CRAMP1: variants seen among roughly 807,000 people sequenced by gnomAD.
CRAMP1 encodes cramped chromatin regulator 1, also known as protein cramped-like.
In CRAMP1, 50 loss-of-function variants were observed where a neutral mutation model predicts 115.4. That is an observed-to-expected ratio of 0.43 (90% confidence interval 0.35 to 0.55). The LOEUF is 0.55. Among genes scored for constraint, CRAMP1 ranks in the 20% least tolerant of loss-of-function variants. The pLI is 0.01. For synonymous variants in CRAMP1, 866 were observed against 745.4 expected (o/e 1.16, Z -2.64); for missense variants, 1,679 against 1,721.7 (o/e 0.98, Z 0.44).
intron 10 of CRAMP1, among the ~76,000 whole-genome samples, chr16:1,658,951 C>T (rs1006855065): frequency 1.3e-5 from 2 of 152,166 alleles, no homozygotes; most frequent in East Asian, 1.9e-4. Flanking sequence ...GTCTTCCCAG[C>T]GGTGGTGGCG....
chr16:1,645,070 GT>G (rs1183945868), intron 6 of CRAMP1, among the ~76,000 whole-genome samples: 2 of 150,600 alleles, frequency 1.3e-5, no homozygotes, highest in African/African-American at 2.5e-5. Context: ...ATAGAAGTTT[GT>G]TTTAAAACAT....
intron 6 of CRAMP1, among the ~76,000 whole-genome samples, chr16:1,648,347 G>T (rs1219841134): frequency 6.6e-6 from 1 of 152,112 alleles, no homozygotes; most frequent in East Asian, 1.9e-4. Flanking sequence ...AGTGGCTCAC[G>T]CCTGTAATCC....
At chr16:1,635,177 C>T (rs754644607) in intron 4 of CRAMP1, among the ~76,000 whole-genome samples, 16 of 152,280 alleles carry the variant, frequency 1.1e-4, no homozygotes, top group South Asian at 2.1e-4. Context: ...GGATTACAGG[C>T]GTGAGCCACC....
intron 18 of CRAMP1, 121 bp from the exon 19 acceptor site, chr16:1,668,880 A>G (rs1029607626): frequency 1.1e-5 from 10 of 879,682 alleles, no homozygotes; most frequent in African/African-American, 1.0e-4. Context: ...CATGCCATCC[A>G]TCTGGTTCAG....
intron 2 of CRAMP1, among the ~76,000 whole-genome samples, chr16:1,620,042 C>T (rs775153155): frequency 2.6e-5 from 4 of 152,014 alleles, no homozygotes; most frequent in Non-Finnish European, 4.4e-5. Context: ...AGGGGAGGCT[C>T]AGAACTCATC....
At chr16:1,634,532 C>G (rs187879646) in intron 4 of CRAMP1, among the ~76,000 whole-genome samples, 57 of 152,282 alleles carry the variant, frequency 3.7e-4, no homozygotes, top group African/African-American at 1.2e-3. Flanking sequence ...TTTCCCTTCT[C>G]CGTGTGGGCC....
At position 1,656,802 on chromosome 16, in the gene CRAMP1, C is replaced by T. The variant is rs1863973474; in HGVS notation, c.2045C>T (p.Thr682Ile). 1.3e-6 allele frequency: 2 copies of T among 1,548,318 alleles called. No individual in the cohort carries two copies. Among genetic ancestry groups the T allele is most frequent in the Non-Finnish European group, 8.7e-7 (1 of 1,145,354 alleles). Residue 682 changes from threonine (T) to isoleucine (I), a missense_variant, in exon 10 of 21, where the codon ACC becomes ATC. Transcript: ENST00000397412. This position sits in a 1 kb window ranked among gnomAD's most constrained non-coding sequence, Gnocchi z 5.6. Reference sequence around the variant, plus strand: ...CGTGAGGAGGGCTGGAACCTGCAGACCTCCGAAAGCCTCACGCTGGCCGAA... The same window carrying T: ...CGTGAGGAGGGCTGGAACCTGCAGATCTCCGAAAGCCTCACGCTGGCCGAA... Reference protein sequence around the residue: ...QLREEGWNLQTSESLTLAEVY... With the variant: ...QLREEGWNLQISESLTLAEVY...
Position 1,648,655 on chromosome 16 carries a change from A to G in CRAMP1, c.828-3841A>G, listed in dbSNP as rs111275590. Among the ~76,000 whole-genome samples the G allele has an allele frequency of 4.4e-3, 665 of 152,116 alleles. 2 individuals carry two copies. Among genetic ancestry groups the G allele is most frequent in the African/African-American group, 0.015 (636 of 41,484 alleles). ...CATGCTTAATGACTGCTTTTGACCA[A>G]TGTTTCCCCTGGTTCCTTCTGCTGC... is the stretch of plus-strand genomic sequence containing the variant. On this transcript the variant is annotated intron_variant, in intron 6 of 20. Transcript: ENST00000397412.
intron 5 of CRAMP1, among the ~76,000 whole-genome samples, chr16:1,639,342 T>C (rs2036613308): frequency 6.7e-6 from 1 of 150,052 alleles, no homozygotes; most frequent in Admixed American, 6.6e-5. Context: ...AGGGTGGGAG[T>C]GGGCCCGGAC....
chr16:1,653,264 T>G lies in CRAMP1; in HGVS notation c.1037+108T>G, dbSNP rs2036739946. 3.8e-6 allele frequency: 5 copies of G among 1,311,284 alleles called. No homozygotes were observed. The Admixed American group carries it at 1.1e-4, about 29-fold the overall frequency. The allele number at this position is 1,311,284 out of a possible 1,614,324, so 81.2% of individuals were successfully genotyped here. On this transcript the variant is annotated intron_variant, in intron 8 of 20. Transcript: ENST00000397412. Reference sequence around the variant, plus strand: ...CTTCCAGGAGAAGCAGGTCCACCCCTATGCTCTGTCATCACACGAGGACGC... The same window carrying G: ...CTTCCAGGAGAAGCAGGTCCACCCCGATGCTCTGTCATCACACGAGGACGC...
intron 6 of CRAMP1, among the ~76,000 whole-genome samples, chr16:1,651,083 TGA>T (rs1403194002): frequency 4.0e-5 from 6 of 151,194 alleles, no homozygotes; most frequent in African/African-American, 1.5e-4. Context: ...AGAAGTGGAC[TGA>T]GAGGTCACAG....
At chr16:1,638,426 C>T (rs770783741) in intron 5 of CRAMP1, among the ~76,000 whole-genome samples, 16 of 152,212 alleles carry the variant, frequency 1.1e-4, no homozygotes, top group Non-Finnish European at 1.5e-4. Flanking sequence ...TGACTTAGAG[C>T]GGCCGCACTG....
intron 6 of CRAMP1, among the ~76,000 whole-genome samples, chr16:1,642,832 T>G (rs1361180276): frequency 6.6e-6 from 1 of 152,258 alleles, no homozygotes; most frequent in Non-Finnish European, 1.5e-5. Context: ...CCAGACTCTT[T>G]GCTGTATGCT....
Position 1,665,048 on chromosome 16 carries a change from T to TCCC in CRAMP1, c.2671-7_2671-5dup. The TCCC allele has an allele frequency of 6.3e-7, 1 of 1,595,500 alleles. No individual in the cohort carries two copies. The highest frequency in any genetic ancestry group is 1.7e-5 in the Admixed American group (1 of 59,974). On this transcript the variant is annotated splice_polypyrimidine_tract_variant and intron_variant, in intron 13 of 20. Transcript: ENST00000397412. ...TCATCACCTTGATTGTTGACCATTT[T>TCCC]CCCCACAGAGAACACTGCTCCCTAG...
chr16:1,634,007 A>G (rs2036566805), intron 4 of CRAMP1, among the ~76,000 whole-genome samples: 1 of 151,268 alleles, frequency 6.6e-6, no homozygotes, highest in East Asian at 1.9e-4. Flanking sequence ...CAGCTTGGCC[A>G]CAGAGCAAGA....
chr16:1,660,443 G>C (rs184748523), intron 11 of CRAMP1, among the ~76,000 whole-genome samples: 5 of 152,318 alleles, frequency 3.3e-5, no homozygotes, highest in Admixed American at 1.3e-4. Flanking sequence ...CCTCAGAATA[G>C]AGAATCCTTC....
chr16:1,640,085 CAA>C (rs2036619803), intron 5 of CRAMP1, among the ~76,000 whole-genome samples: 3 of 152,230 alleles, frequency 2.0e-5, no homozygotes, highest in Non-Finnish European at 1.5e-5. Context: ...CGCCTGGCGA[CAA>C]GAGCCCTTTC....
rs1259159341 is a variant in CRAMP1, at chr16:1,614,297, G to C, written c.-1-342G>C. Among the ~76,000 whole-genome samples the C allele has an allele frequency of 6.8e-6, 1 of 146,444 alleles. No individual in the cohort carries two copies. The highest frequency in any genetic ancestry group is 2.5e-5 in the African/African-American group (1 of 40,758). On this transcript the variant is annotated intron_variant, in intron 1 of 20. Coordinates refer to ENST00000397412, the MANE Select transcript of CRAMP1 (RefSeq NM_020825.4). This position sits in a 1 kb window ranked among gnomAD's most constrained non-coding sequence, Gnocchi z 4.4. ...CGTGCCCAGACCCGCGCCCGCGCCG[G>C]GGCTCCCATAGACCCCGGGGCCGGG...
rs1440242250 is a variant in CRAMP1, at chr16:1,670,818, A to G, written c.3645+9A>G. 7 of 1,613,516 alleles carry G rather than the reference A, an allele frequency of 4.3e-6. No homozygotes were observed. Among genetic ancestry groups the G allele is most frequent in the African/African-American group, 4.0e-5 (3 of 75,010 alleles). On this transcript the variant is annotated intron_variant, in intron 20 of 20. Transcript: ENST00000397412. ...TGGCTGACGTTGCAGAGGTGAGTGC[A>G]TTGACCTCACAGCTGCACCTGACCA... is the stretch of plus-strand genomic sequence containing the variant.
Sources: gnomAD v4.1 joint callset for allele counts (sites outside exome capture counted in the v4.1 genomes callset) on GRCh38, gnomAD v4.1.1 for gene constraint, Gnocchi (gnomAD v3.1) non-coding constraint, MANE v1.5 for transcripts, NCBI Gene and HGNC (gene_info 2026-07-23, HGNC 2026-07-21) for gene names.